LRMDA: variants seen among roughly 807,000 people sequenced by gnomAD.
LRMDA encodes the protein leucine rich melanocyte differentiation associated.
In LRMDA, 18 loss-of-function variants were observed where a neutral mutation model predicts 29.8. The observed-to-expected ratio is 0.60, with a 90% confidence interval of 0.42 to 0.90. LRMDA has a LOEUF of 0.90. Among genes scored for constraint, LRMDA ranks in the 40% least tolerant of loss-of-function variants. The pLI, the probability that LRMDA is intolerant of heterozygous loss-of-function variation, is 0.00. For missense variants in LRMDA, 273 were observed against 273.9 expected (o/e 1.00, Z 0.02); for synonymous variants, 125 against 109.4 (o/e 1.14, Z -0.89).
intron 6 of LRMDA, among the ~76,000 whole-genome samples, chr10:76,327,579 C>T (rs182500413): frequency 1.1e-3 from 167 of 152,282 alleles, no homozygotes; most frequent in East Asian, 7.7e-4. Flanking sequence ...ATATGTTCAC[C>T]ACTTTATCTG....
At chr10:75,837,753 A>G (rs1844465450) in intron 2 of LRMDA, among the ~76,000 whole-genome samples, 2 of 129,012 alleles carry the variant, frequency 1.6e-5, no homozygotes, top group Admixed American at 7.8e-5. Flanking sequence ...CTATTTACAC[A>G]TTAAAATAAA....
chr10:76,441,619 T>C (rs1449170925), intron 6 of LRMDA, among the ~76,000 whole-genome samples: 1 of 152,144 alleles, frequency 6.6e-6, no homozygotes, highest in African/African-American at 2.4e-5. Context: ...TGTACCAGAA[T>C]GTGTTTGGAA....
At chr10:76,086,998 C>T (rs1398392708) in intron 5 of LRMDA, among the ~76,000 whole-genome samples, 2 of 152,122 alleles carry the variant, frequency 1.3e-5, no homozygotes, top group Non-Finnish European at 2.9e-5. Flanking sequence ...TTTGGCTTGT[C>T]CGACAGAAAT....
intron 5 of LRMDA, among the ~76,000 whole-genome samples, chr10:76,168,943 G>T (rs1850787467): frequency 6.6e-6 from 1 of 152,182 alleles, no homozygotes; most frequent in Non-Finnish European, 1.5e-5. Flanking sequence ...AGTGAAGTTA[G>T]AAAGGTATCC....
chr10:75,937,474 T>C (rs1449297632), intron 2 of LRMDA, among the ~76,000 whole-genome samples: 2 of 152,182 alleles, frequency 1.3e-5, no homozygotes, highest in Admixed American at 1.3e-4. Flanking sequence ...CTGTTTTCAT[T>C]TGAATTGTTT....
intron 5 of LRMDA, chr10:76,260,734 C>T (rs959309342): frequency 2.0e-5 from 3 of 152,100 alleles, no homozygotes; most frequent in Non-Finnish European, 2.9e-5. Flanking sequence ...ATCTTTCTTC[C>T]AAGACTTGGA....
intron 2 of LRMDA, among the ~76,000 whole-genome samples, chr10:75,550,730 A>C (rs1009933425): frequency 2.0e-5 from 3 of 151,602 alleles, no homozygotes; most frequent in Non-Finnish European, 4.4e-5. Flanking sequence ...TATGTTCTCT[A>C]TTTCCTTCTT....
At chr10:76,037,167 G>A (rs921651350) in intron 3 of LRMDA, among the ~76,000 whole-genome samples, 2 of 152,338 alleles carry the variant, frequency 1.3e-5, no homozygotes, top group South Asian at 4.1e-4. Context: ...CCAGACACTA[G>A]CAAGATGCTA....
In LRMDA at chr10:76,363,250, AGAAAGAAGGAAG is replaced by A. The variant is rs1340248708; in HGVS notation, c.601+38769_601+38780del. 1.1e-4 allele frequency among the ~76,000 whole-genome samples: 3 copies of A among 27,634 alleles called. 1 individual carries two copies. The highest frequency in any genetic ancestry group is 4.7e-4 in the East Asian group (1 of 2,130). The allele number at this position is 27,634 out of a possible 152,430, so 18.1% of individuals were successfully genotyped here. The stretch of plus-strand genomic sequence containing the variant: ...AAGAAAGAAAGAAAGAAAGAAAGAA[AGAAAGAAGGAAG>A]GAAGGAAGGAAGGAAAGGAAGGAAG... On this transcript the variant is annotated intron_variant, in intron 6 of 6. Coordinates refer to ENST00000611255, the MANE Select transcript of LRMDA (RefSeq NM_001305581.2).
At chr10:75,528,466 C>G (rs544408773) in intron 2 of LRMDA, among the ~76,000 whole-genome samples, 3 of 152,344 alleles carry the variant, frequency 2.0e-5, no homozygotes, top group South Asian at 4.1e-4. Flanking sequence ...ACCCAATGCT[C>G]TTTGCCTCCT....
At chr10:75,647,033 A>T (rs1841530549) in intron 2 of LRMDA, among the ~76,000 whole-genome samples, 1 of 151,484 alleles carries the variant, frequency 6.6e-6, no homozygotes, top group South Asian at 2.1e-4. Context: ...CTCAGAGAGC[A>T]AACTTGGCCG....
chr10:76,060,127 C>A (rs1848681011), intron 5 of LRMDA, among the ~76,000 whole-genome samples: 1 of 152,148 alleles, frequency 6.6e-6, no homozygotes, highest in South Asian at 2.1e-4. Context: ...GCCAGCATGA[C>A]CAAACCCAGC....
intron 2 of LRMDA, among the ~76,000 whole-genome samples, chr10:75,672,522 T>TCCC (rs1435972185): frequency 0.022 from 512 of 22,770 alleles, 97 homozygotes; most frequent in African/African-American, 0.078. Context: ...TTTCTTTTCT[T>TCCC]TTCCTCCCCT....
chr10:75,731,804 A>G (rs1842702209), intron 2 of LRMDA, among the ~76,000 whole-genome samples: 1 of 152,212 alleles, frequency 6.6e-6, no homozygotes, highest in Non-Finnish European at 1.5e-5. Flanking sequence ...GGTGGCCCTG[A>G]ATAATTGTTT....
At chr10:75,932,155 C>T (rs1846215456) in intron 2 of LRMDA, among the ~76,000 whole-genome samples, 1 of 151,870 alleles carries the variant, frequency 6.6e-6, no homozygotes, top group South Asian at 2.1e-4. Context: ...TTGTTTTTTC[C>T]CTGTGGCTGT....
intron 2 of LRMDA, among the ~76,000 whole-genome samples, chr10:75,862,210 A>ACACG (rs1261528691): frequency 3.4e-4 from 51 of 151,376 alleles, no homozygotes; most frequent in African/African-American, 1.2e-3. Context: ...ACACACACAC[A>ACACG]CGCACTTAAG....
intron 5 of LRMDA, among the ~76,000 whole-genome samples, chr10:76,063,927 G>A (rs1441873953): frequency 6.6e-6 from 1 of 152,124 alleles, no homozygotes; most frequent in Admixed American, 6.6e-5. Context: ...CTCGCCCCTG[G>A]GGTGCCAGCT....
At chr10:75,917,410 A>G (rs1845952274) in intron 2 of LRMDA, among the ~76,000 whole-genome samples, 1 of 152,170 alleles carries the variant, frequency 6.6e-6, no homozygotes, top group Non-Finnish European at 1.5e-5. Context: ...TGCTGTCCCC[A>G]GGCCTGTGTT....
chr10:76,447,343 G>A (rs7924263), intron 6 of LRMDA, among the ~76,000 whole-genome samples: 7,043 of 152,094 alleles, frequency 0.046, 417 homozygotes, highest in African/African-American at 0.14. Context: ...AGACAATTAT[G>A]TGCACTTTTT....
Sources: allele counts gnomAD v4.1 joint callset (sites outside exome capture counted in the v4.1 genomes callset), GRCh38; gene constraint gnomAD v4.1.1; transcripts MANE v1.5; gene names NCBI Gene and HGNC (gene_info 2026-07-23, HGNC 2026-07-21).